Variants in SLC25A23 observed in about 807,000 individuals in gnomAD.
The protein encoded by SLC25A23 is solute carrier family 25 member 23.
In SLC25A23, 32 loss-of-function variants were observed where a neutral mutation model predicts 53.9. The observed-to-expected ratio is 0.59, with a 90% CI of 0.45 to 0.80. The LOEUF is 0.80. SLC25A23 is among the 30% of genes least tolerant of loss of function. The pLI is 0.00. For synonymous variants in SLC25A23, 275 were observed against 264.5 expected (o/e 1.04, Z -0.38); for missense variants, 575 against 651.4 (o/e 0.88, Z 1.28).
intron 4 of SLC25A23, chr19:6,456,146 C>T (rs2092679625): frequency 1.4e-6 from 2 of 1,423,142 alleles, no homozygotes; most frequent in East Asian, 2.9e-5. Context: ...GCTCTTTCTT[C>T]CCTGTACCCG....
At position 6,458,101 on chromosome 19, in the gene SLC25A23, C is replaced by G. The variant is rs2092706499; in HGVS notation, c.283+97G>C. On this transcript the variant is annotated intron_variant, in intron 2 of 9. Coordinates refer to ENST00000301454, the MANE Select transcript of SLC25A23 (RefSeq NM_024103.3). ...TCATCGGGGAGAAGCGGCCCTCCCC[C>G]TCTCCTCCTAGCGCTGCCAGTTCTA... is the stretch of plus-strand genomic sequence containing the variant. 8.9e-6 allele frequency: 13 copies of G among 1,465,770 alleles called. No individual in the cohort carries two copies. The Admixed American group carries it at 1.0e-4, about 12-fold the overall frequency. The allele number at this position is 1,465,770 out of a possible 1,614,324, so 90.8% of individuals were successfully genotyped here.
At position 6,446,046 on chromosome 19, in the gene SLC25A23, C is replaced by T. The variant is rs118088718; in HGVS notation, c.1072-1745G>A. Among the ~76,000 whole-genome samples, 10 of 151,972 alleles carry T rather than the reference C, an allele frequency of 6.6e-5. No homozygotes were observed. In the East Asian group the frequency reaches 7.7e-4, roughly 12 times the overall value. On this transcript the variant is annotated intron_variant, in intron 8 of 9. Coordinates refer to ENST00000301454, the MANE Select transcript of SLC25A23 (RefSeq NM_024103.3). ...GAGCCGTGATGCACTCCAGCCTGGG[C>T]GACAAGAGTGAGACTCAGTATCAAA...
rs1365858512 is a variant in SLC25A23, at chr19:6,442,585, G to A, written c.1223-426C>T. ...GTTTTTTAGACGGAGTTTCGCTCTTGTTGCCCAGGCTGGAGTGCAATGGTG... is the reference window on the plus strand; with the variant it reads ...GTTTTTTAGACGGAGTTTCGCTCTTATTGCCCAGGCTGGAGTGCAATGGTG... On this transcript the variant is annotated intron_variant, in intron 9 of 9. Coordinates refer to ENST00000301454, the MANE Select transcript of SLC25A23 (RefSeq NM_024103.3). 6.6e-5 allele frequency among the ~76,000 whole-genome samples: 10 copies of A among 152,292 alleles called. No homozygotes were observed. In the East Asian group the frequency reaches 1.5e-3, roughly 24 times the overall value.
chr19:6,459,751 C>T lies in SLC25A23; in HGVS notation c.-123G>A, dbSNP rs1352845752. 5 of 791,468 alleles carry T rather than the reference C, an allele frequency of 6.3e-6. No homozygotes were observed. The highest frequency in any genetic ancestry group is 4.1e-5 in the East Asian group (1 of 24,462). The allele number at this position is 791,468 out of a possible 1,614,324, so 49.0% of individuals were successfully genotyped here. A position where few individuals can be genotyped will look rare whatever the true frequency, so the allele number is the denominator to read the frequency against. On this transcript the variant is annotated 5_prime_UTR_variant, in exon 1 of 10. Coordinates refer to ENST00000301454, the MANE Select transcript of SLC25A23 (RefSeq NM_024103.3). The surrounding 1 kb of genome is among the most constrained non-coding windows in gnomAD (Gnocchi z 4.6). ...CCGCGGCCGCCGGCTCCGCAGCCTC[C>T]GCGCAGTCCGCTCGGCTCTGGCACT...
rs375729896 is a variant in SLC25A23 at position 6,457,605 on chromosome 19, G to A, written c.284-15C>T. The stretch of plus-strand genomic sequence containing the variant: ...ATCAATGTGACCTGGGGAGGGGGCC[G>A]GAGGTGGGGAAGGATGTGCGTGTGA... On this transcript the variant is annotated splice_polypyrimidine_tract_variant and intron_variant, in intron 2 of 9. Coordinates refer to ENST00000301454, the MANE Select transcript of SLC25A23 (RefSeq NM_024103.3). 30 of 1,611,790 alleles carry A rather than the reference G, an allele frequency of 1.9e-5. No homozygotes were observed. The highest frequency in any genetic ancestry group is 2.7e-5 in the African/African-American group (2 of 74,870).
At chr19:6,455,819 C>T (rs898926739) in intron 4 of SLC25A23, 7 of 314,182 alleles carry the variant, frequency 2.2e-5, no homozygotes, top group African/African-American at 4.4e-5. Context: ...CCTGGGTTCA[C>T]GCCATTCTCC....
At chr19:6,439,398 C>CTG (rs1284402970), downstream of SLC25A23, among the ~76,000 whole-genome samples, 3 of 119,448 alleles carry the variant, frequency 2.5e-5, no homozygotes, top group African/African-American at 4.1e-5. Context: ...CTCTCTCTCT[C>CTG]TCACACACAC....
Position 6,454,503 on chromosome 19 carries a change from TC to T in SLC25A23, c.643-29del. ...GAATGGGGAGACAACAGCTTGGAGG[TC>T]CCCTCCCAGGTGTCAGGCCTGGGGG... On this transcript the variant is annotated intron_variant, in intron 5 of 9. Coordinates refer to ENST00000301454, the MANE Select transcript of SLC25A23 (RefSeq NM_024103.3). The surrounding 1 kb of genome is among the most constrained non-coding windows in gnomAD (Gnocchi z 4.3). 1 of 1,613,382 alleles carries T rather than the reference TC, an allele frequency of 6.2e-7. No individual in the cohort carries two copies.
At chr19:6,442,780 A>C (rs973947972) in intron 9 of SLC25A23, among the ~76,000 whole-genome samples, 1 of 151,450 alleles carries the variant, frequency 6.6e-6, no homozygotes, top group Non-Finnish European at 1.5e-5. Context: ...CCAACTCCCA[A>C]CCTCAGGTGA....
chr19:6,459,701 C>T lies in SLC25A23; in HGVS notation c.-73G>A, dbSNP rs1005651266. The T allele has an allele frequency of 6.7e-6, 8 of 1,197,762 alleles. No individual in the cohort carries two copies. The highest frequency in any genetic ancestry group is 6.8e-5 in the South Asian group (2 of 29,298). The allele number at this position is 1,197,762 out of a possible 1,614,324, so 74.2% of individuals were successfully genotyped here. A position where few individuals can be genotyped will look rare whatever the true frequency, so the allele number is the denominator to read the frequency against. On this transcript the variant is annotated 5_prime_UTR_variant, in exon 1 of 10. Transcript: ENST00000301454. This position sits in a 1 kb window ranked among gnomAD's most constrained non-coding sequence, Gnocchi z 4.6. Reference sequence around the variant, plus strand: ...GGGGGCTTCGCGGCTCCCCCTCCCCCCCCGGGACCCCGCAGGGTCAGCTCC... The same window carrying T: ...GGGGGCTTCGCGGCTCCCCCTCCCCTCCCGGGACCCCGCAGGGTCAGCTCC...
chr19:6,455,666 T>C (rs1326228729), intron 4 of SLC25A23, among the ~76,000 whole-genome samples: 2 of 149,654 alleles, frequency 1.3e-5, no homozygotes, highest in Non-Finnish European at 3.0e-5. Flanking sequence ...AAACCCCCAC[T>C]ACCCTCTCTA....
At chr19:6,439,698 TG>T (rs1325280357), downstream of SLC25A23, among the ~76,000 whole-genome samples, 2 of 151,282 alleles carry the variant, frequency 1.3e-5, no homozygotes, top group Admixed American at 6.6e-5. Flanking sequence ...GGCGTGGTGG[TG>T]GGTGCCTGTA....
chr19:6,457,580 A>G lies in SLC25A23; in HGVS notation c.294T>C (p.Asp98=), dbSNP rs1405510854. ...GGAAACTCTGTTGGATCTCAGAGAC[A>G]TCAATGTGACCTGGGGAGGGGGCCG... The part of the protein sequence containing the change: ...SLDRNQDGHI[D]VSEIQQSFRA... Residue 98 remains aspartate (D), a synonymous_variant, in exon 3 of 10, where the codon GAT becomes GAC. Transcript: ENST00000301454. The G allele has an allele frequency of 3.1e-6, 5 of 1,613,992 alleles. No individual in the cohort carries two copies. Among genetic ancestry groups the G allele is most frequent in the South Asian group, 2.2e-5 (2 of 91,070 alleles).
downstream of SLC25A23, among the ~76,000 whole-genome samples, chr19:6,439,688 G>A (rs1266728243): frequency 6.6e-6 from 1 of 151,912 alleles, no homozygotes; most frequent in Non-Finnish European, 1.5e-5. Context: ...AAATTAGCCG[G>A]GCGTGGTGGT....
intron 8 of SLC25A23, 129 bp downstream of exon 8, chr19:6,452,182 TC>T: frequency 7.7e-7 from 1 of 1,290,648 alleles, no homozygotes. Flanking sequence ...GCCAAGGTGC[TC>T]CTCACCTCAT....
chr19:6,452,210 C>T, intron 8 of SLC25A23, 102 bp downstream of exon 8: 1 of 1,493,104 alleles, frequency 6.7e-7, no homozygotes, highest in Non-Finnish European at 9.0e-7. Context: ...CTTTCTCTAA[C>T]TATAGCAGGT....
At chr19:6,451,349 A>AT (rs776706813) in intron 8 of SLC25A23, among the ~76,000 whole-genome samples, 5 of 152,170 alleles carry the variant, frequency 3.3e-5, no homozygotes, top group Non-Finnish European at 5.9e-5. Context: ...AGATCGCGCC[A>AT]TTGCACTCCA....
chr19:6,437,731 C>A (rs189556781), downstream of SLC25A23, among the ~76,000 whole-genome samples: 1,281 of 150,102 alleles, frequency 8.5e-3, 16 homozygotes, highest in African/African-American at 0.028. Flanking sequence ...ATGGCATGAA[C>A]CCAGGAGGCG....
Position 6,454,338 on chromosome 19 carries a change from GA to G in SLC25A23, c.779del (p.Phe260SerfsTer44), listed in dbSNP as rs1568373764. The G allele has an allele frequency of 1.2e-6, 2 of 1,614,070 alleles. No homozygotes were observed. Among genetic ancestry groups the G allele is most frequent in the Non-Finnish European group, 1.7e-6 (2 of 1,179,956 alleles). ...LKIAPESAIKFMAYEQIKRAI... is the reference protein window; with the variant it reads ...LKIAPESAIKXMAYEQIKRAI... The stretch of plus-strand genomic sequence containing the variant: ...CTGCCCTCACCTGTTCATAGGCCAT[GA>G]ACTTGATAGCTGACTCGGGGGCAAT... On this transcript the variant is annotated frameshift_variant, in exon 6 of 10. Coordinates refer to ENST00000301454, the MANE Select transcript of SLC25A23 (RefSeq NM_024103.3). LOFTEE classifies it high-confidence loss of function. The surrounding 1 kb of genome is among the most constrained non-coding windows in gnomAD (Gnocchi z 4.3).
Sources: allele counts gnomAD v4.1 joint callset (sites outside exome capture counted in the v4.1 genomes callset), GRCh38; gene constraint gnomAD v4.1.1; non-coding constraint Gnocchi (gnomAD v3.1); transcripts MANE v1.5; gene names NCBI Gene and HGNC (gene_info 2026-07-23, HGNC 2026-07-21).